Variants in GDI2 observed in about 807,000 individuals in gnomAD.
The protein encoded by GDI2 is GDP dissociation inhibitor 2.
Under a neutral mutation model 54.2 loss-of-function variants are expected in GDI2, and 22 were observed. The observed-to-expected ratio is 0.41, with a 90% CI of 0.29 to 0.58. The LOEUF (loss-of-function observed/expected upper bound fraction) is 0.58, where lower values mean the gene tolerates loss of function less well. Ranked by LOEUF, GDI2 falls within the 20% of genes least tolerant of loss-of-function variation. The probability of loss-of-function intolerance (pLI) is 0.35; values close to 1 mark genes in which losing one functional copy is unlikely to be tolerated. For missense variants in GDI2, 422 were observed against 546.0 expected (o/e 0.77, Z 2.26); for synonymous variants, 177 against 182.1 (o/e 0.97, Z 0.23).
intron 2 of GDI2, among the ~76,000 whole-genome samples, chr10:5,799,942 G>A (rs959525747): frequency 9.2e-5 from 14 of 151,924 alleles, no homozygotes; most frequent in South Asian, 2.1e-4. Context: ...TTTATACATC[G>A]TATTATTCTT....
chr10:5,805,538 G>A (rs953244303), intron 1 of GDI2, among the ~76,000 whole-genome samples: 56 of 152,004 alleles, frequency 3.7e-4, no homozygotes, highest in African/African-American at 1.3e-3. Flanking sequence ...GTGCCACCAC[G>A]CCTGCCAAAT....
intron 4 of GDI2, among the ~76,000 whole-genome samples, chr10:5,794,172 G>GAAAAAAAAAA (rs1256206663): frequency 3.6e-5 from 1 of 27,968 alleles, no homozygotes; most frequent in African/African-American, 1.3e-4. Flanking sequence ...GTCTTTAAAA[G>GAAAAAAAAAA]AAAAAAAAAA....
At chr10:5,785,086 A>T in intron 6 of GDI2, 56 bp downstream of exon 6, 1 of 1,264,688 alleles carries the variant, frequency 7.9e-7, no homozygotes, top group Non-Finnish European at 1.1e-6. Context: ...TCTCATATAC[A>T]CATTATGTTG....
Position 5,800,339 on chromosome 10 carries a change from C to T in GDI2, c.153+259G>A, listed in dbSNP as rs116184803. On this transcript the variant is annotated intron_variant, in intron 2 of 10. Coordinates refer to ENST00000380191, the MANE Select transcript of GDI2 (RefSeq NM_001494.4). ...AGCCATGAGGAAAGCACTGGACTTG[C>T]GCTGGCACATCAGACGATCCTCTAC... 5.7e-3 allele frequency among the ~76,000 whole-genome samples: 867 copies of T among 152,272 alleles called. 12 individuals carry two copies. The highest frequency in any genetic ancestry group is 0.02 in the African/African-American group (826 of 41,544).
At chr10:5,793,349 T>C (rs910659851) in intron 4 of GDI2, among the ~76,000 whole-genome samples, 1 of 152,168 alleles carries the variant, frequency 6.6e-6, no homozygotes, top group Non-Finnish European at 1.5e-5. Context: ...GAAGATACTT[T>C]ATTTGGATTA....
chr10:5,798,647 G>A (rs1177596349), intron 2 of GDI2, among the ~76,000 whole-genome samples: 1 of 149,954 alleles, frequency 6.7e-6, no homozygotes, highest in Non-Finnish European at 1.5e-5. Flanking sequence ...AGAAAAAAAA[G>A]AAAAGAAATC....
intron 6 of GDI2, among the ~76,000 whole-genome samples, chr10:5,779,637 A>G (rs968763825): frequency 6.6e-6 from 1 of 151,724 alleles, no homozygotes; most frequent in African/African-American, 2.4e-5. Flanking sequence ...TTGAAGCCAC[A>G]TGAACAGGCA....
chr10:5,791,143 A>T (rs1841002882), intron 4 of GDI2, among the ~76,000 whole-genome samples: 2 of 152,054 alleles, frequency 1.3e-5, no homozygotes, highest in Non-Finnish European at 2.9e-5. Context: ...AATTTTTTAA[A>T]TTGCACCATT....
intron 6 of GDI2, among the ~76,000 whole-genome samples, chr10:5,778,415 ATGCATTTTGTTAATG>A (rs1487714479): frequency 6.6e-6 from 1 of 152,236 alleles, no homozygotes; most frequent in African/African-American, 2.4e-5. Flanking sequence ...CATTGACTAT[ATGCATTTTGTTAATG>A]TGCATTTTGT....
intron 3 of GDI2, 118 bp from the exon 4 acceptor site, chr10:5,795,137 AT>A (rs1325260279): frequency 4.1e-4 from 265 of 653,968 alleles, no homozygotes; most frequent in Non-Finnish European, 4.6e-4. Context: ...CAACAAAATA[AT>A]TTTTTTTTGA....
In GDI2 at chr10:5,791,789, G is replaced by A. The variant is rs376993861; in HGVS notation, c.388+3096C>T. Among the ~76,000 whole-genome samples the A allele has an allele frequency of 2.2e-4, 33 of 151,126 alleles. No homozygotes were observed. In the South Asian group the frequency reaches 2.3e-3, roughly 11 times the overall value. ...AAATAAGCCAGGTGTGGTGGCGTGC[G>A]CCTGTAATCCCAGCTATTCAGGAGG... On this transcript the variant is annotated intron_variant, in intron 4 of 10. Transcript: ENST00000380191.
At chr10:5,798,614 T>C (rs1841199321) in intron 2 of GDI2, among the ~76,000 whole-genome samples, 1 of 149,606 alleles carries the variant, frequency 6.7e-6, no homozygotes, top group Non-Finnish European at 1.5e-5. Flanking sequence ...AAAAAATTCA[T>C]GACTCCCTCA....
chr10:5,795,449 A>C (rs1417810379), intron 3 of GDI2, among the ~76,000 whole-genome samples: 1 of 152,226 alleles, frequency 6.6e-6, no homozygotes, highest in Admixed American at 6.5e-5. Context: ...TGTATTTTAA[A>C]TAGGACAACC....
intron 2 of GDI2, among the ~76,000 whole-genome samples, chr10:5,798,965 C>T (rs1164048641): frequency 6.6e-6 from 1 of 151,766 alleles, no homozygotes; most frequent in African/African-American, 2.4e-5. Flanking sequence ...CAGAGCAAGA[C>T]TGTCTCAAAA....
intron 4 of GDI2, among the ~76,000 whole-genome samples, chr10:5,791,537 C>A (rs922523027): frequency 2.0e-5 from 3 of 151,980 alleles, no homozygotes; most frequent in Non-Finnish European, 4.4e-5. Context: ...CATCTGAGGT[C>A]GGGAGTTTGA....
In GDI2 at chr10:5,766,172, A is replaced by G. The variant is rs767440344; in HGVS notation, c.1192-20T>C. 1 of 1,613,254 alleles carries G rather than the reference A, an allele frequency of 6.2e-7. No homozygotes were observed. The highest frequency in any genetic ancestry group is 8.5e-7 in the Non-Finnish European group (1 of 1,179,264). On this transcript the variant is annotated intron_variant, in intron 10 of 10. Transcript: ENST00000380191. This position sits in a 1 kb window ranked among gnomAD's most constrained non-coding sequence, Gnocchi z 5.8. ...AAAGATCTGAAAACAAAAATTACGA[A>G]GACTTAAGACCATGGAGGGATGTCT...
chr10:5,785,001 GTTAATT>G, intron 6 of GDI2, 135 bp downstream of exon 6: 2 of 522,724 alleles, frequency 3.8e-6, no homozygotes, highest in Non-Finnish European at 6.4e-6. Flanking sequence ...ATCATTATAT[GTTAATT>G]TTATTTCAAT....
intron 5 of GDI2, 30 bp downstream of exon 5, chr10:5,785,822 A>C (rs1304270220): frequency 7.5e-7 from 1 of 1,330,776 alleles, no homozygotes; most frequent in Admixed American, 1.9e-5. Context: ...ATTTCAAGAA[A>C]AATACAAATC....
intron 6 of GDI2, among the ~76,000 whole-genome samples, chr10:5,779,243 G>C (rs750507680): frequency 1.9e-4 from 29 of 152,164 alleles, no homozygotes; most frequent in Non-Finnish European, 2.8e-4. Context: ...CGGGAACGGT[G>C]ACTCATGCCT....
Sources: gnomAD v4.1 joint callset for allele counts (sites outside exome capture counted in the v4.1 genomes callset) on GRCh38, gnomAD v4.1.1 for gene constraint, Gnocchi (gnomAD v3.1) non-coding constraint, MANE v1.5 for transcripts, NCBI Gene and HGNC (gene_info 2026-07-23, HGNC 2026-07-21) for gene names.